COL13A1: variants seen among roughly 807,000 people sequenced by gnomAD.
COL13A1 encodes the protein collagen type XIII alpha 1 chain.
Under a neutral mutation model 130.9 loss-of-function variants are expected in COL13A1, and 89 were observed. The ratio of observed to expected loss-of-function variants is 0.68; its 90% confidence interval spans 0.57 to 0.81. The LOEUF (loss-of-function observed/expected upper bound fraction) is 0.81, where lower values mean the gene tolerates loss of function less well. COL13A1 is among the 30% of genes least tolerant of loss of function. COL13A1 has a pLI of 0.00. For synonymous variants in COL13A1, 402 were observed against 341.6 expected, an observed-to-expected ratio of 1.18 and a Z score of -1.95; for missense variants, 879 against 934.6, an observed-to-expected ratio of 0.94 and a Z score of 0.78.
chr10:69,957,754 C>A (rs1206896437), intron 40 of COL13A1, among the ~76,000 whole-genome samples: 4 of 152,170 alleles, frequency 2.6e-5, no homozygotes, highest in Non-Finnish European at 2.9e-5. Flanking sequence ...TCCAGAAGAC[C>A]CGCCTTGGTC....
At chr10:69,937,519 C>T in intron 33 of COL13A1, 116 bp from the exon 34 acceptor site, 1 of 629,638 alleles carries the variant, frequency 1.6e-6, no homozygotes. Flanking sequence ...CAGCCTGCCA[C>T]CCTGACCCCT....
intron 14 of COL13A1, among the ~76,000 whole-genome samples, chr10:69,900,183 A>T (rs2062044842): frequency 6.6e-6 from 1 of 152,010 alleles, no homozygotes; most frequent in African/African-American, 2.4e-5. Context: ...ATTCCAGGAG[A>T]GCTGAGTCCA....
chr10:69,905,250 T>C (rs912602576), intron 16 of COL13A1, among the ~76,000 whole-genome samples: 1 of 152,204 alleles, frequency 6.6e-6, no homozygotes, highest in Non-Finnish European at 1.5e-5. Flanking sequence ...TCTAAGCTCA[T>C]GCCCAGAACA....
rs2071293241 is a variant in COL13A1, at chr10:69,958,707, C to CCTG, written c.*6_*7insCTG. 3 of 1,613,770 alleles carry CCTG rather than the reference C, an allele frequency of 1.9e-6. No individual in the cohort carries two copies. The highest frequency in any genetic ancestry group is 2.5e-6 in the Non-Finnish European group (3 of 1,179,876). On this transcript the variant is annotated 3_prime_UTR_variant, in exon 41 of 41. Coordinates refer to ENST00000645393, the MANE Select transcript of COL13A1 (RefSeq NM_001368882.1). ...TTGTTTTTGTTTTGCAGTGATGCCT[C>CCTG]TAACCTTGGATTGGCCTGTGTGTGT... is the stretch of plus-strand genomic sequence containing the variant.
At chr10:69,880,920 A>T (rs569463911) in intron 7 of COL13A1, among the ~76,000 whole-genome samples, 1 of 152,214 alleles carries the variant, frequency 6.6e-6, no homozygotes, top group Non-Finnish European at 1.5e-5. Context: ...CTGGAAGCCC[A>T]TGGAGCAGAT....
At chr10:69,917,528 C>A (rs552462079) in intron 18 of COL13A1, among the ~76,000 whole-genome samples, 195 bp downstream of exon 18, 1 of 152,116 alleles carries the variant, frequency 6.6e-6, no homozygotes, top group South Asian at 2.1e-4. Context: ...CCTGGGCATC[C>A]CTGGGTCATA....
intron 14 of COL13A1, among the ~76,000 whole-genome samples, chr10:69,898,974 C>T (rs2061931226): frequency 6.6e-6 from 1 of 152,200 alleles, no homozygotes; most frequent in Admixed American, 6.6e-5. Flanking sequence ...CTCAAAACAG[C>T]CATCAACAAG....
intron 32 of COL13A1, 67 bp downstream of exon 32, chr10:69,935,458 C>T (rs1047943883): frequency 3.4e-5 from 41 of 1,216,810 alleles, no homozygotes; most frequent in Admixed American, 1.9e-4. Flanking sequence ...TCACTGGGCT[C>T]AACCTCAGCC....
At chr10:69,826,233 C>T (rs987673722) in intron 2 of COL13A1, among the ~76,000 whole-genome samples, 1 of 152,216 alleles carries the variant, frequency 6.6e-6, no homozygotes, top group Non-Finnish European at 1.5e-5. Context: ...TGGGGCTGGC[C>T]TGTGTCAAGT....
chr10:69,924,003 CT>C, intron 24 of COL13A1, 148 bp downstream of exon 24: 1 of 1,099,242 alleles, frequency 9.1e-7, no homozygotes, highest in Non-Finnish European at 1.3e-6. Flanking sequence ...TTGGCTTGGG[CT>C]TTAGAGAGCC....
intron 10 of COL13A1, among the ~76,000 whole-genome samples, chr10:69,892,218 A>G (rs1419800152): frequency 6.6e-6 from 1 of 152,146 alleles, no homozygotes; most frequent in East Asian, 1.9e-4. Flanking sequence ...TTAGTTGCCC[A>G]CCGCTGTCCA....
chr10:69,921,525 C>T (rs1035410052), intron 21 of COL13A1, among the ~76,000 whole-genome samples: 7 of 152,244 alleles, frequency 4.6e-5, no homozygotes, highest in African/African-American at 1.2e-4. Context: ...TGCCCAACCA[C>T]TGGCGTTCTG....
chr10:69,805,834 C>T (rs1841422165), intron 1 of COL13A1, among the ~76,000 whole-genome samples: 1 of 152,194 alleles, frequency 6.6e-6, no homozygotes, highest in Non-Finnish European at 1.5e-5. Flanking sequence ...AAAAACCTGC[C>T]ACAGGACAGG....
chr10:69,817,020 A>G (rs1844729234), intron 1 of COL13A1, among the ~76,000 whole-genome samples: 1 of 152,236 alleles, frequency 6.6e-6, no homozygotes, highest in Non-Finnish European at 1.5e-5. Flanking sequence ...GGCTAACTAC[A>G]GCTAAATCCA....
intron 17 of COL13A1, among the ~76,000 whole-genome samples, chr10:69,908,724 A>G (rs1416994383): frequency 1.3e-5 from 2 of 152,192 alleles, no homozygotes; most frequent in African/African-American, 2.4e-5. Context: ...CCCAGGCTAC[A>G]TTGAATTTGC....
chr10:69,813,359 G>A (rs1441970898), intron 1 of COL13A1, among the ~76,000 whole-genome samples: 3 of 152,168 alleles, frequency 2.0e-5, no homozygotes, highest in African/African-American at 4.8e-5. Context: ...TTAGCTAGAA[G>A]GAAGGACTTC....
intron 17 of COL13A1, among the ~76,000 whole-genome samples, chr10:69,912,112 T>C (rs1303518717): frequency 1.3e-5 from 2 of 152,218 alleles, no homozygotes; most frequent in Non-Finnish European, 2.9e-5. Flanking sequence ...TGAGACCTTG[T>C]GGAGACTAAA....
At chr10:69,934,296 T>A (rs1250001260) in intron 31 of COL13A1, among the ~76,000 whole-genome samples, 1 of 152,248 alleles carries the variant, frequency 6.6e-6, no homozygotes, top group African/African-American at 2.4e-5. Flanking sequence ...ATAAACCACT[T>A]ACTTATAATA....
At chr10:69,926,365 G>A (rs2065357274) in intron 26 of COL13A1, among the ~76,000 whole-genome samples, 2 of 152,230 alleles carry the variant, frequency 1.3e-5, no homozygotes, top group South Asian at 2.1e-4. Context: ...TGGGGCTAGA[G>A]AATCTTTGTG....
Sources: gnomAD v4.1 joint callset for allele counts (sites outside exome capture counted in the v4.1 genomes callset) on GRCh38, gnomAD v4.1.1 for gene constraint, MANE v1.5 for transcripts, NCBI Gene and HGNC (gene_info 2026-07-23, HGNC 2026-07-21) for gene names.